RRP15: variants seen among roughly 807,000 people sequenced by gnomAD.
The protein encoded by RRP15 is ribosomal RNA processing 15 homolog.
A neutral mutation model predicts 27.1 loss-of-function variants in RRP15; 18 were observed. The observed-to-expected ratio is 0.66, with a 90% CI of 0.46 to 0.98. The LOEUF is 0.98. RRP15 is among the 50% of genes least tolerant of loss of function. The probability of loss-of-function intolerance (pLI) is 0.00; values close to 1 mark genes in which losing one functional copy is unlikely to be tolerated. For missense variants in RRP15, 359 were observed against 337.8 expected (o/e 1.06, Z -0.49); for synonymous variants, 107 against 109.4 (o/e 0.98, Z 0.14).
At chr1:218,320,385 T>G (rs1462485305) in intron 4 of RRP15, among the ~76,000 whole-genome samples, 6 of 152,164 alleles carry the variant, frequency 3.9e-5, no homozygotes, top group Admixed American at 3.9e-4. Context: ...ACAAAGGACA[T>G]GAACTCATCA....
At chr1:218,289,498 G>C (rs1158381424) in intron 1 of RRP15, among the ~76,000 whole-genome samples, 1 of 152,134 alleles carries the variant, frequency 6.6e-6, no homozygotes, top group African/African-American at 2.4e-5. Context: ...GTGTCTGCTT[G>C]GTTATGCCAT....
intron 4 of RRP15, among the ~76,000 whole-genome samples, chr1:218,330,058 G>C (rs1279478964): frequency 6.6e-6 from 1 of 151,988 alleles, no homozygotes; most frequent in Non-Finnish European, 1.5e-5. Context: ...TTCTGTGATT[G>C]ACATAAATAG....
chr1:218,333,112 C>T lies in RRP15; in HGVS notation c.*2021C>T, dbSNP rs780610634. The T allele has an allele frequency of 1.2e-4, 18 of 151,672 alleles. No homozygotes were observed. The highest frequency in any genetic ancestry group is 9.7e-5 in the African/African-American group (4 of 41,262). 9.4% of individuals were successfully genotyped at this position (151,672 alleles called of 1,614,324 possible). ...AAGATCTTCACATTGAAAGTAAGGA[C>T]GAGAATATTTGCAGATTTCCTTCGT... On this transcript the variant is annotated 3_prime_UTR_variant, in exon 5 of 5. Coordinates refer to ENST00000366932, the MANE Select transcript of RRP15 (RefSeq NM_016052.4).
At chr1:218,305,161 T>TA in intron 3 of RRP15, 36 bp downstream of exon 3, 2 of 1,476,592 alleles carry the variant, frequency 1.4e-6, no homozygotes, top group Non-Finnish European at 1.9e-6. Context: ...AAAATAAGTA[T>TA]ACTAAAGCTA....
At chr1:218,314,135 A>G (rs1234732956) in intron 4 of RRP15, among the ~76,000 whole-genome samples, 1 of 152,016 alleles carries the variant, frequency 6.6e-6, no homozygotes, top group African/African-American at 2.4e-5. Context: ...GATTACAGGC[A>G]TGAGCCACCA....
chr1:218,330,215 C>T (rs1303695452), intron 4 of RRP15, among the ~76,000 whole-genome samples: 1 of 152,088 alleles, frequency 6.6e-6, no homozygotes, highest in Non-Finnish European at 1.5e-5. Flanking sequence ...TATTGTATTA[C>T]TTAATTGATA....
intron 4 of RRP15, among the ~76,000 whole-genome samples, chr1:218,315,006 A>AG (rs1011902297): frequency 4.9e-5 from 7 of 142,226 alleles, no homozygotes; most frequent in African/African-American, 1.8e-4. Flanking sequence ...AAAAAAAAAA[A>AG]AAAGAAAGAA....
chr1:218,324,649 AGTTTTCT>A (rs1274573605), intron 4 of RRP15, among the ~76,000 whole-genome samples: 2 of 152,230 alleles, frequency 1.3e-5, no homozygotes, highest in African/African-American at 2.4e-5. Context: ...ATTATCTATT[AGTTTTCT>A]GTTTTAGTAG....
At chr1:218,302,103 T>A in intron 1 of RRP15, 191 bp from the exon 2 acceptor site, 1 of 521,590 alleles carries the variant, frequency 1.9e-6, no homozygotes, top group Non-Finnish European at 3.4e-6. Context: ...CTGGGCGAGG[T>A]CTCTGGGAGC....
rs114254531 is a variant in RRP15 at position 218,302,444 on chromosome 1, C to T, written c.290C>T (p.Ala97Val). 4.1e-4 allele frequency: 668 copies of T among 1,613,998 alleles called. 6 individuals carry two copies. The African/African-American group carries it at 8.1e-3, about 20-fold the overall frequency. ...GTNMGWADAM[A>V]KVLNKKTPES... ...AATATGGGCTGGGCAGATGCTATGG[C>T]TAAAGTCCTCAACAAGAAAACTCCT... Residue 97 changes from alanine to valine, a missense_variant, in exon 2 of 5, where the codon GCT becomes GTT. Transcript: ENST00000366932.
intron 1 of RRP15, among the ~76,000 whole-genome samples, chr1:218,287,921 G>C (rs1259396772): frequency 6.6e-6 from 1 of 152,164 alleles, no homozygotes; most frequent in Non-Finnish European, 1.5e-5. Flanking sequence ...CCTGACCTGG[G>C]AGTATAGAGG....
At chr1:218,285,935 A>G (rs1655538586) in intron 1 of RRP15, among the ~76,000 whole-genome samples, 1 of 152,312 alleles carries the variant, frequency 6.6e-6, no homozygotes, top group East Asian at 1.9e-4. Context: ...GTTAAGGTCG[A>G]TTAAAAACTG....
At chr1:218,304,862 C>T (rs1655871870) in intron 2 of RRP15, among the ~76,000 whole-genome samples, 166 bp from the exon 3 acceptor site, 1 of 152,178 alleles carries the variant, frequency 6.6e-6, no homozygotes, top group South Asian at 2.1e-4. Flanking sequence ...GTGCTAACCA[C>T]AGGCTCTCGA....
At chr1:218,309,547 G>A (rs541728812) in intron 4 of RRP15, among the ~76,000 whole-genome samples, 1 of 152,010 alleles carries the variant, frequency 6.6e-6, no homozygotes, top group South Asian at 2.1e-4. Context: ...ACTGGGCATG[G>A]TGGCACCCAC....
intron 1 of RRP15, among the ~76,000 whole-genome samples, chr1:218,289,667 G>T (rs1451647672): frequency 6.6e-6 from 1 of 152,106 alleles, no homozygotes; most frequent in Non-Finnish European, 1.5e-5. Flanking sequence ...CACTACTTTA[G>T]TTCTTGCCCG....
chr1:218,323,867 GCGGGCACTGGGAGCGGGGAGAAAC>G (rs1203362433), intron 4 of RRP15, among the ~76,000 whole-genome samples: 2 of 152,234 alleles, frequency 1.3e-5, no homozygotes, highest in Non-Finnish European at 2.9e-5. Flanking sequence ...TGAGATCAGA[GCGGGCACTGGGAGCGGGGAGAAAC>G]CGGGCAGTGG....
intron 4 of RRP15, among the ~76,000 whole-genome samples, chr1:218,318,283 C>A (rs1448142405): frequency 6.6e-6 from 1 of 152,102 alleles, no homozygotes; most frequent in Non-Finnish European, 1.5e-5. Flanking sequence ...ATATACCATA[C>A]AATTAAAATT....
intron 4 of RRP15, among the ~76,000 whole-genome samples, chr1:218,321,264 G>C (rs1656184178): frequency 6.6e-6 from 1 of 152,162 alleles, no homozygotes; most frequent in Non-Finnish European, 1.5e-5. Context: ...TTGTTTCCTT[G>C]CATCATGCAG....
chr1:218,332,985 C>A lies in RRP15; in HGVS notation c.*1894C>A, dbSNP rs1385841313. On this transcript the variant is annotated 3_prime_UTR_variant, in exon 5 of 5. Transcript: ENST00000366932. ...ATACTAGAGTTTTGCAGGAATTTTT[C>A]TGAATAGTACATTCACATGATAGAT... is the stretch of plus-strand genomic sequence containing the variant. The A allele has an allele frequency of 6.6e-6, 1 of 150,380 alleles. No homozygotes were observed. The highest frequency in any genetic ancestry group is 1.5e-5 in the Non-Finnish European group (1 of 67,642). 9.3% of individuals were successfully genotyped at this position (150,380 alleles called of 1,614,324 possible).
Sources: gnomAD v4.1 joint callset for allele counts (sites outside exome capture counted in the v4.1 genomes callset) on GRCh38, gnomAD v4.1.1 for gene constraint, MANE v1.5 for transcripts, NCBI Gene and HGNC (gene_info 2026-07-23, HGNC 2026-07-21) for gene names.